SPEF2: variants seen among roughly 807,000 people sequenced by gnomAD.
SPEF2 encodes the protein sperm flagella and cilia-associated protein 2.
In SPEF2, 187 loss-of-function variants were observed where a neutral mutation model predicts 224.6. The observed-to-expected ratio is 0.83, with a 90% CI of 0.74 to 0.94. The LOEUF is 0.94. Ranked by LOEUF, SPEF2 falls within the 40% of genes least tolerant of loss-of-function variation. The pLI, the probability that SPEF2 is intolerant of heterozygous loss-of-function variation, is 0.00. For synonymous variants in SPEF2, 715 were observed against 707.3 expected (o/e 1.01, Z -0.17); for missense variants, 2,170 against 2,135.6 (o/e 1.02, Z -0.32).
chr5:35,628,481 C>G lies in SPEF2; in HGVS notation c.80C>G (p.Ala27Gly), dbSNP rs770730546. 4.3e-6 allele frequency: 7 copies of G among 1,613,708 alleles called. No homozygotes were observed. The South Asian group carries it at 7.7e-5, about 18-fold the overall frequency. ...TCAGGTCCCAAGTCATTTGCAAAGGCATTTTCCAGTGGCTATCTACTTGGA... is the reference window on the plus strand; with the variant it reads ...TCAGGTCCCAAGTCATTTGCAAAGGGATTTTCCAGTGGCTATCTACTTGGA... ...RTVSPKSFAK[A>G]FSSGYLLGEV... Residue 27 changes from alanine (A) to glycine (G), a missense_variant, in exon 2 of 37, where the codon GCA becomes GGA. Coordinates refer to ENST00000356031, the MANE Select transcript of SPEF2 (RefSeq NM_024867.4).
At chr5:35,630,369 A>G (rs1217715466) in intron 2 of SPEF2, among the ~76,000 whole-genome samples, 1 of 152,154 alleles carries the variant, frequency 6.6e-6, no homozygotes, top group East Asian at 1.9e-4. Context: ...GAGGTTCTCC[A>G]TGAGGGCTCC....
intron 14 of SPEF2, among the ~76,000 whole-genome samples, chr5:35,696,922 T>C (rs529747787): frequency 6.6e-6 from 1 of 152,158 alleles, no homozygotes; most frequent in South Asian, 2.1e-4. Context: ...ATGAGAATAG[T>C]GAGGCAGGAA....
chr5:35,724,753 G>A (rs989403255), intron 20 of SPEF2, among the ~76,000 whole-genome samples: 1 of 152,084 alleles, frequency 6.6e-6, no homozygotes, highest in African/African-American at 2.4e-5. Flanking sequence ...AAGTACATGT[G>A]CAAAAAAGTA....
chr5:35,761,609 A>G (rs541175237), intron 25 of SPEF2, among the ~76,000 whole-genome samples: 8 of 152,246 alleles, frequency 5.3e-5, no homozygotes, highest in Admixed American at 2.6e-4. Flanking sequence ...AAGAGTAAAA[A>G]TGTGTCCCCT....
intron 36 of SPEF2, among the ~76,000 whole-genome samples, chr5:35,811,871 A>G (rs4869485): frequency 0.51 from 76,738 of 149,104 alleles, 22,267 homozygotes; most frequent in African/African-American, 0.81. Context: ...TGCAAGCTGC[A>G]CCTCCCGGGT....
chr5:35,637,213 G>A (rs768838504), intron 2 of SPEF2, among the ~76,000 whole-genome samples: 3 of 152,042 alleles, frequency 2.0e-5, no homozygotes, highest in Non-Finnish European at 2.9e-5. Flanking sequence ...CCACTATTAA[G>A]CAGCTTTTCT....
chr5:35,709,204 ATTCAGAC>A, intron 19 of SPEF2, 83 bp downstream of exon 19: 1 of 1,564,388 alleles, frequency 6.4e-7, no homozygotes, highest in Non-Finnish European at 8.6e-7. Context: ...GTCTATCTAC[ATTCAGAC>A]TTTGGGCAAC....
intron 2 of SPEF2, among the ~76,000 whole-genome samples, chr5:35,636,178 T>C (rs1243261828): frequency 6.6e-6 from 1 of 152,226 alleles, no homozygotes; most frequent in Non-Finnish European, 1.5e-5. Context: ...CCCTCTTGTA[T>C]ACTGCAACTG....
At chr5:35,620,221 G>A (rs73078240) in intron 1 of SPEF2, among the ~76,000 whole-genome samples, 3 of 152,088 alleles carry the variant, frequency 2.0e-5, no homozygotes, top group Admixed American at 6.5e-5. Context: ...ATAAACTGTT[G>A]TGTGGTGCAC....
At chr5:35,759,151 TA>T (rs1750874150) in intron 24 of SPEF2, among the ~76,000 whole-genome samples, 1 of 152,036 alleles carries the variant, frequency 6.6e-6, no homozygotes, top group African/African-American at 2.4e-5. Context: ...TTTGTATGTA[TA>T]GTGTTTTTTG....
intron 30 of SPEF2, among the ~76,000 whole-genome samples, chr5:35,785,246 C>G (rs1433180732): frequency 6.6e-6 from 1 of 152,094 alleles, no homozygotes; most frequent in Non-Finnish European, 1.5e-5. Context: ...TTCTTTCCAC[C>G]AGATCAGATT....
intron 28 of SPEF2, among the ~76,000 whole-genome samples, chr5:35,775,171 G>T (rs191404876): frequency 3.7e-4 from 57 of 152,174 alleles, no homozygotes; most frequent in Non-Finnish European, 7.1e-4. Context: ...TTGACAGCTG[G>T]GCCTGTAGTC....
intron 16 of SPEF2, among the ~76,000 whole-genome samples, chr5:35,704,218 T>C (rs1739280668): frequency 7.7e-6 from 1 of 130,498 alleles, no homozygotes. Context: ...CATCTTAATT[T>C]TTACATCACT....
In SPEF2 at chr5:35,700,704, T is replaced by A. The variant is rs774145762; in HGVS notation, c.2350T>A (p.Leu784Ile). Residue 784 changes from leucine (L) to isoleucine (I), a missense_variant, in exon 16 of 37, where the codon TTA becomes ATA. Coordinates refer to ENST00000356031, the MANE Select transcript of SPEF2 (RefSeq NM_024867.4). ...PSPAFDFVIL[L>I]DVSDTSSMSR... is the part of the protein sequence containing the mutation. ...TCCTGCATTTGATTTTGTCATATTA[T>A]TAGATGTTTCAGATACTTCCTCAAT... 1.2e-6 allele frequency: 2 copies of A among 1,613,870 alleles called. No homozygotes were observed. The highest frequency in any genetic ancestry group is 1.7e-6 in the Non-Finnish European group (2 of 1,179,910).
chr5:35,763,589 G>A lies in SPEF2; in HGVS notation c.3688G>A (p.Val1230Ile), dbSNP rs751656874. Residue 1230 changes from valine (V) to isoleucine (I), a missense_variant, in exon 26 of 37, where the codon GTA becomes ATA. By Grantham distance (29) the Val-to-Ile change is conservative. Transcript: ENST00000356031. The stretch of plus-strand genomic sequence containing the variant: ...TACACCCAAACCAAAAACAAAATCA[G>A]TACTGAAGGGCAAGATGGATAACTC... ...TVTPKPKTKS[V>I]LKGKMDNSLE... 7 of 1,613,836 alleles carry A rather than the reference G, an allele frequency of 4.3e-6. No individual in the cohort carries two copies. Among genetic ancestry groups the A allele is most frequent in the Non-Finnish European group, 5.9e-6 (7 of 1,179,894 alleles).
chr5:35,639,680 G>C (rs77250940), intron 2 of SPEF2, among the ~76,000 whole-genome samples: 1 of 147,396 alleles, frequency 6.8e-6, no homozygotes, highest in South Asian at 2.2e-4. Flanking sequence ...TTTTTTTAAA[G>C]TAAATAGTCA....
chr5:35,621,880 A>G (rs187594500), intron 1 of SPEF2, among the ~76,000 whole-genome samples: 31 of 152,338 alleles, frequency 2.0e-4, no homozygotes, highest in Non-Finnish European at 4.0e-4. Context: ...AAATTAGATT[A>G]GATTAGAGTC....
intron 2 of SPEF2, among the ~76,000 whole-genome samples, chr5:35,632,246 A>G (rs1745240436): frequency 6.6e-6 from 1 of 152,224 alleles, no homozygotes; most frequent in Non-Finnish European, 1.5e-5. Context: ...TAAAGGAAAG[A>G]GGTTTAATTG....
chr5:35,706,544 T>C (rs1439436811), intron 18 of SPEF2, among the ~76,000 whole-genome samples: 1 of 152,116 alleles, frequency 6.6e-6, no homozygotes, highest in Non-Finnish European at 1.5e-5. Flanking sequence ...TTCTTTTTTG[T>C]TTATCAATTA....
Sources: allele counts gnomAD v4.1 joint callset (sites outside exome capture counted in the v4.1 genomes callset), GRCh38; gene constraint gnomAD v4.1.1; transcripts MANE v1.5; gene names NCBI Gene and HGNC (gene_info 2026-07-23, HGNC 2026-07-21).